The following PTPN21 variants were observed in gnomAD, a reference collection of about 807,000 sequenced individuals.
PTPN21 encodes tyrosine-protein phosphatase non-receptor type 21.
In PTPN21, 77 loss-of-function variants were observed where a neutral mutation model predicts 131.8. The ratio of observed to expected loss-of-function variants is 0.58; its 90% CI spans 0.49 to 0.71. The LOEUF (loss-of-function observed/expected upper bound fraction) is 0.71. PTPN21 is among the 30% of genes least tolerant of loss of function. The pLI, the probability that PTPN21 is intolerant of heterozygous loss-of-function variation, is 0.00. For synonymous variants in PTPN21, 715 were observed against 621.3 expected (o/e 1.15, Z -2.24); for missense variants, 1,552 against 1,527.1 (o/e 1.02, Z -0.27).
chr14:88,508,574 C>CAATT (rs1257480758), intron 3 of PTPN21, among the ~76,000 whole-genome samples: 6 of 152,136 alleles, frequency 3.9e-5, no homozygotes, highest in African/African-American at 1.4e-4. Flanking sequence ...TCCTATAAGA[C>CAATT]AATTAGTCAT....
Position 88,480,097 on chromosome 14 carries a change from T to C in PTPN21, c.1334A>G (p.Tyr445Cys), listed in dbSNP as rs1377324460. The change falls in exon 13 of 19, where the codon TAC becomes TGC. Residue 445 changes from tyrosine to cysteine, a missense_variant. Coordinates refer to ENST00000556564, the MANE Select transcript of PTPN21 (RefSeq NM_007039.4). ...HRHSAVIPPS[Y>C]RPTPDYETVM... ...AGTCTCATAGTCTGGGGTGGGGCGG[T>C]AGGACGGGGGTATCACGGCGCTGTG... 1 of 1,613,952 alleles carries C rather than the reference T, an allele frequency of 6.2e-7. No individual in the cohort carries two copies. The highest frequency in any genetic ancestry group is 8.5e-7 in the Non-Finnish European group (1 of 1,179,998).
rs933614138 is a variant in PTPN21 at position 88,466,232 on chromosome 14, T to C, written c.*1905A>G. The C allele has an allele frequency of 2.0e-5, 3 of 152,224 alleles. No individual in the cohort carries two copies. The highest frequency in any genetic ancestry group is 4.8e-5 in the African/African-American group (2 of 41,456). The allele number at this position is 152,224 out of a possible 1,614,324, so 9.4% of individuals were successfully genotyped here. A position where few individuals can be genotyped will look rare whatever the true frequency, so the allele number is the denominator to read the frequency against. Reference sequence around the variant, plus strand: ...AAAAGAATTTTGTATTTACAAAATTTACATTTTGTTCCTACAAAATGTAAT... The same window carrying C: ...AAAAGAATTTTGTATTTACAAAATTCACATTTTGTTCCTACAAAATGTAAT... On this transcript the variant is annotated 3_prime_UTR_variant, in exon 19 of 19. Transcript: ENST00000556564.
chr14:88,499,071 C>T (rs1330294135), intron 8 of PTPN21, among the ~76,000 whole-genome samples: 1 of 152,180 alleles, frequency 6.6e-6, no homozygotes, highest in African/African-American at 2.4e-5. Flanking sequence ...ACTTTGGGCA[C>T]CATCAGAGCC....
intron 2 of PTPN21, among the ~76,000 whole-genome samples, chr14:88,545,817 G>T (rs563582101): frequency 1.3e-5 from 2 of 151,736 alleles, no homozygotes; most frequent in Non-Finnish European, 2.9e-5. Flanking sequence ...AAAATTAGCC[G>T]GGCGTGGTGG....
At position 88,468,128 on chromosome 14, in the gene PTPN21, T is replaced by G. The variant is rs771960865; in HGVS notation, c.*9A>C. On this transcript the variant is annotated 3_prime_UTR_variant, in exon 19 of 19. Transcript: ENST00000556564. ...TCACATGACTGGCCCCGTAAGAAATTGTGGGAGCTTAGATGAGCCTGGAGC... is the reference window on the plus strand; with the variant it reads ...TCACATGACTGGCCCCGTAAGAAATGGTGGGAGCTTAGATGAGCCTGGAGC... The G allele has an allele frequency of 6.2e-7, 1 of 1,613,826 alleles. No homozygotes were observed. The highest frequency in any genetic ancestry group is 1.1e-5 in the South Asian group (1 of 91,044).
chr14:88,482,277 G>C (rs28711639), intron 12 of PTPN21, among the ~76,000 whole-genome samples: 51,205 of 152,012 alleles, frequency 0.34, 8,798 homozygotes, highest in South Asian at 0.42. Flanking sequence ...AGTAAGGTTG[G>C]AAGGGCAGGC....
chr14:88,540,767 A>G (rs1220804179), intron 2 of PTPN21, among the ~76,000 whole-genome samples: 5 of 152,056 alleles, frequency 3.3e-5, no homozygotes, highest in African/African-American at 9.7e-5. Context: ...GGTTCAAGTG[A>G]TCCTCCCACC....
At chr14:88,543,190 G>A (rs1000264858) in intron 2 of PTPN21, among the ~76,000 whole-genome samples, 1 of 152,164 alleles carries the variant, frequency 6.6e-6, no homozygotes, top group Non-Finnish European at 1.5e-5. Flanking sequence ...GTTATGGTTT[G>A]CGTTATATGC....
At chr14:88,503,111 C>T (rs2078037698) in intron 6 of PTPN21, among the ~76,000 whole-genome samples, 1 of 151,474 alleles carries the variant, frequency 6.6e-6, no homozygotes, top group Admixed American at 6.6e-5. Context: ...TCTCAGCTCA[C>T]TGCAACCTCC....
chr14:88,469,625 CAG>C lies in PTPN21; in HGVS notation c.3107_3108del (p.Ser1036TrpfsTer31). The C allele has an allele frequency of 6.2e-7, 1 of 1,614,136 alleles. No individual in the cohort carries two copies. The highest frequency in any genetic ancestry group is 8.5e-7 in the Non-Finnish European group (1 of 1,180,028). On this transcript the variant is annotated frameshift_variant, in exon 17 of 19. Coordinates refer to ENST00000556564, the MANE Select transcript of PTPN21 (RefSeq NM_007039.4). LOFTEE classifies it high-confidence loss of function. This position sits in a 1 kb window ranked among gnomAD's most constrained non-coding sequence, Gnocchi z 4.3. Reference sequence around the variant, plus strand: ...TTCAGGCCTGTGGTGGCATAGCAGCCAGAGTCTGTGCGGAACCGGGTCGTGAT... The same window carrying C: ...TTCAGGCCTGTGGTGGCATAGCAGCCAGTCTGTGCGGAACCGGGTCGTGAT... The part of the protein sequence containing the change: ...FKITTRFRTD[S>X]GCYATTGLKM...
Position 88,468,265 on chromosome 14 carries a change from C to T in PTPN21, c.3397G>A (p.Val1133Met), listed in dbSNP as rs1161461455. The T allele has an allele frequency of 4.4e-6, 7 of 1,595,084 alleles. No homozygotes were observed. In the African/African-American group the frequency reaches 9.5e-5, roughly 22 times the overall value. ...IMIACLEHNEVLDIPRVLDML... is the reference protein window; with the variant it reads ...IMIACLEHNEMLDIPRVLDML... ...TCCAGCACTCTCGGGATGTCCAGCA[C>T]CTAGGTTGAGAGAAACGGTAATGAA... is the stretch of plus-strand genomic sequence containing the variant. The change falls in exon 19 of 19, where the codon GTG (valine) becomes ATG (methionine). Residue 1133 changes from valine to methionine, a missense_variant and splice_region_variant. Physicochemically the swap from Val to Met is conservative, Grantham distance 21. Coordinates refer to ENST00000556564, the MANE Select transcript of PTPN21 (RefSeq NM_007039.4).
intron 2 of PTPN21, among the ~76,000 whole-genome samples, chr14:88,536,562 C>A (rs754244321): frequency 1.9e-4 from 29 of 152,278 alleles, no homozygotes; most frequent in African/African-American, 6.7e-4. Flanking sequence ...CCTAAGGAGA[C>A]GTCAGCTATT....
intron 13 of PTPN21, among the ~76,000 whole-genome samples, chr14:88,475,101 AAG>A (rs1491419274): frequency 2.6e-5 from 4 of 152,170 alleles, no homozygotes; most frequent in African/African-American, 9.7e-5. Context: ...CAAAAAAAAA[AAG>A]AACACTAAGT....
At chr14:88,506,128 CAA>C (rs916479047) in intron 4 of PTPN21, among the ~76,000 whole-genome samples, 2 of 152,004 alleles carry the variant, frequency 1.3e-5, no homozygotes, top group Non-Finnish European at 2.9e-5. Flanking sequence ...TAGCTTGAGC[CAA>C]AGAGTCTGAG....
chr14:88,485,928 A>G (rs2077725088), intron 10 of PTPN21, 86 bp from the exon 11 acceptor site: 9 of 816,342 alleles, frequency 1.1e-5, no homozygotes, highest in Non-Finnish European at 1.8e-5. Flanking sequence ...GTAAAATAAT[A>G]AATCTTCTCA....
At chr14:88,487,965 C>CAAAGAAA (rs2077762478) in intron 10 of PTPN21, among the ~76,000 whole-genome samples, 1 of 92,520 alleles carries the variant, frequency 1.1e-5, no homozygotes, top group Non-Finnish European at 2.2e-5. Flanking sequence ...GACTCCATCT[C>CAAAGAAA]AAAAAAAAAA....
At chr14:88,549,039 G>A (rs1453933547) in intron 2 of PTPN21, among the ~76,000 whole-genome samples, 2 of 152,188 alleles carry the variant, frequency 1.3e-5, no homozygotes, top group Non-Finnish European at 2.9e-5. Context: ...AGAAGCAGAT[G>A]GTGAGGAAAC....
chr14:88,550,968 A>G (rs1299209904), intron 1 of PTPN21, among the ~76,000 whole-genome samples: 2 of 152,132 alleles, frequency 1.3e-5, no homozygotes, highest in African/African-American at 4.8e-5. Context: ...TAACTCTTTC[A>G]GGTTGTAATA....
Position 88,472,324 on chromosome 14 carries a change from G to A in PTPN21, c.2791C>T (p.Leu931Phe). ...TCCACTCTCACATCATCATAAGGAA[G>A]AACATCTTGGAATCGATTTCTTTCT... ...NAERNRFQDV[L>F]PYDDVRVELV... The change falls in exon 15 of 19, where the codon CTT (leucine) becomes TTT (phenylalanine). Residue 931 changes from leucine to phenylalanine, a missense_variant. By Grantham distance (22) the Leu-to-Phe change is conservative. Transcript: ENST00000556564. 1 of 1,613,784 alleles carries A rather than the reference G, an allele frequency of 6.2e-7. No individual in the cohort carries two copies. Among genetic ancestry groups the A allele is most frequent in the Non-Finnish European group, 8.5e-7 (1 of 1,179,722 alleles).
Sources: allele counts gnomAD v4.1 joint callset (sites outside exome capture counted in the v4.1 genomes callset), GRCh38; gene constraint gnomAD v4.1.1; non-coding constraint Gnocchi (gnomAD v3.1); transcripts MANE v1.5; gene names NCBI Gene and HGNC (gene_info 2026-07-23, HGNC 2026-07-21).